C2orf69: variants seen among roughly 807,000 people sequenced by gnomAD.
C2orf69 encodes mitochondrial protein C2orf69.
C2orf69 carries 19 observed loss-of-function variants against 29.5 expected under a neutral mutation model. That is an observed-to-expected ratio of 0.65 (90% CI 0.45 to 0.95). The LOEUF (loss-of-function observed/expected upper bound fraction) is 0.95. Ranked by LOEUF, C2orf69 falls within the 40% of genes least tolerant of loss-of-function variation. C2orf69 has a pLI of 0.00. For missense variants in C2orf69, 416 were observed against 482.1 expected (o/e 0.86, Z 1.28); for synonymous variants, 194 against 180.0 (o/e 1.08, Z -0.62).
At chr2:199,920,064 T>C (rs1419534025) in intron 1 of C2orf69, among the ~76,000 whole-genome samples, 2 of 152,200 alleles carry the variant, frequency 1.3e-5, no homozygotes, top group Non-Finnish European at 2.9e-5. Context: ...ATGAGAAGCA[T>C]GGCCTTTCAC....
chr2:199,911,331 C>G lies in C2orf69; in HGVS notation c.-108C>G. 7.6e-7 allele frequency: 1 copy of G among 1,309,904 alleles called. No individual in the cohort carries two copies. The highest frequency in any genetic ancestry group is 1.8e-5 in the South Asian group (1 of 54,222). The allele number at this position is 1,309,904 out of a possible 1,614,324, so 81.1% of individuals were successfully genotyped here. On this transcript the variant is annotated 5_prime_UTR_variant, in exon 1 of 2. Transcript: ENST00000319974. ...GCCTCAGCGCCGGCTCCCGGCCGGGCCGCGGCCGCCGACCGTTGAGCCGCC... is the reference window on the plus strand; with the variant it reads ...GCCTCAGCGCCGGCTCCCGGCCGGGGCGCGGCCGCCGACCGTTGAGCCGCC...
At position 199,911,558 on chromosome 2, in the gene C2orf69, C is replaced by T. The variant is rs892160938; in HGVS notation, c.120C>T (p.Gly40=). 4 of 1,549,572 alleles carry T rather than the reference C, an allele frequency of 2.6e-6. No homozygotes were observed. Among genetic ancestry groups the T allele is most frequent in the South Asian group, 2.4e-5 (2 of 84,030 alleles). Residue 40 remains glycine, a synonymous_variant, in exon 1 of 2, where the codon GGC becomes GGT. Coordinates refer to ENST00000319974, the MANE Select transcript of C2orf69 (RefSeq NM_153689.6). ...ARTMNPGGSG[G]ARCSLSAEVR... ...CCATGAACCCGGGCGGCAGCGGCGG[C>T]GCGCGATGCTCCCTCTCGGCCGAGG... is the stretch of plus-strand genomic sequence containing the variant.
intron 1 of C2orf69, among the ~76,000 whole-genome samples, chr2:199,912,664 G>A (rs924763752): frequency 1.3e-5 from 2 of 151,974 alleles, no homozygotes; most frequent in South Asian, 2.1e-4. Context: ...TTTTTGAGAC[G>A]GAGTCTTGCT....
chr2:199,914,816 TC>T (rs1005488294), intron 1 of C2orf69, among the ~76,000 whole-genome samples: 17 of 152,358 alleles, frequency 1.1e-4, no homozygotes, highest in African/African-American at 3.6e-4. Context: ...CCTCACCTCT[TC>T]CAGGTCTGCT....
intron 1 of C2orf69, among the ~76,000 whole-genome samples, chr2:199,914,069 G>T (rs1426918501): frequency 6.6e-6 from 1 of 152,176 alleles, no homozygotes; most frequent in East Asian, 1.9e-4. Flanking sequence ...GAGATTAAAT[G>T]TGTGGATACT....
intron 1 of C2orf69, among the ~76,000 whole-genome samples, chr2:199,924,596 T>C (rs2077328917): frequency 6.6e-6 from 1 of 152,156 alleles, no homozygotes; most frequent in Non-Finnish European, 1.5e-5. Context: ...AAATTGAACA[T>C]AGTGTTCAGG....
intron 1 of C2orf69, 90 bp from the exon 2 acceptor site, chr2:199,924,972 T>A (rs2077330255): frequency 6.4e-6 from 5 of 775,362 alleles, no homozygotes; most frequent in Non-Finnish European, 8.4e-6. Flanking sequence ...GTAACATCCC[T>A]TCTCCACAAT....
chr2:199,921,949 C>T (rs994843771), intron 1 of C2orf69, among the ~76,000 whole-genome samples: 9 of 147,412 alleles, frequency 6.1e-5, no homozygotes, highest in African/African-American at 1.3e-4. Context: ...AGATTATTTA[C>T]GGTTTTACAT....
At position 199,913,444 on chromosome 2, in the gene C2orf69, AATAT is replaced by A. The variant is rs1194290913; in HGVS notation, c.333+1678_333+1681del. On this transcript the variant is annotated intron_variant, in intron 1 of 1. Coordinates refer to ENST00000319974, the MANE Select transcript of C2orf69 (RefSeq NM_153689.6). ...ATTATATAAAATATATATTATATAA[AATAT>A]ATATTCTATTATATAAAATATATAT... 1.8e-3 allele frequency among the ~76,000 whole-genome samples: 169 copies of A among 91,556 alleles called. 1 individual carries two copies. The highest frequency in any genetic ancestry group is 3.1e-3 in the Non-Finnish European group (152 of 49,190). 60.1% of individuals were successfully genotyped at this position (91,556 alleles called of 152,430 possible).
chr2:199,914,352 T>C (rs150225382), intron 1 of C2orf69, among the ~76,000 whole-genome samples: 94 of 152,340 alleles, frequency 6.2e-4, no homozygotes, highest in African/African-American at 2.1e-3. Flanking sequence ...TTTACCCCTA[T>C]GCAGTCTTCC....
At chr2:199,915,692 T>G (rs965739954) in intron 1 of C2orf69, among the ~76,000 whole-genome samples, 2 of 151,872 alleles carry the variant, frequency 1.3e-5, no homozygotes, top group African/African-American at 4.8e-5. Context: ...TTTTTTTGTA[T>G]TTTTAGTAGA....
Position 199,911,718 on chromosome 2 carries a change from G to A in C2orf69, c.280G>A (p.Glu94Lys). The change falls in exon 1 of 2, where the codon GAG becomes AAG. Residue 94 changes from glutamate to lysine, a missense_variant. Coordinates refer to ENST00000319974, the MANE Select transcript of C2orf69 (RefSeq NM_153689.6). ...QDLPGDPAKE[E>K]PQPPPQHHVL... Reference sequence around the variant, plus strand: ...CCTCCCCGGGGACCCAGCGAAGGAGGAGCCGCAGCCGCCGCCCCAGCATCA... The same window carrying A: ...CCTCCCCGGGGACCCAGCGAAGGAGAAGCCGCAGCCGCCGCCCCAGCATCA... The A allele has an allele frequency of 6.5e-7, 1 of 1,544,172 alleles. No individual in the cohort carries two copies. Among genetic ancestry groups the A allele is most frequent in the Non-Finnish European group, 8.7e-7 (1 of 1,146,948 alleles).
chr2:199,918,892 G>A (rs1309166435), intron 1 of C2orf69, among the ~76,000 whole-genome samples: 1 of 151,998 alleles, frequency 6.6e-6, no homozygotes, highest in East Asian at 1.9e-4. Context: ...GTGTGTGACT[G>A]TTTCACTATT....
chr2:199,920,021 C>G (rs2077308229), intron 1 of C2orf69, among the ~76,000 whole-genome samples: 1 of 152,232 alleles, frequency 6.6e-6, no homozygotes, highest in Non-Finnish European at 1.5e-5. Flanking sequence ...TTTAAACTCT[C>G]AAGAGATTCT....
In C2orf69 at chr2:199,920,953, CAA is replaced by C. The variant is rs1284333280; in HGVS notation, c.334-4089_334-4088del. ...CCTGGGGGACAGAGCCTGAGACTCT[CAA>C]AAAAAAAAAAAAAAAAAAAGTCACT... On this transcript the variant is annotated intron_variant, in intron 1 of 1. Transcript: ENST00000319974. 3.8e-3 allele frequency among the ~76,000 whole-genome samples: 173 copies of C among 45,902 alleles called. 6 individuals are homozygous for C. The highest frequency in any genetic ancestry group is 0.018 in the East Asian group (19 of 1,030). The allele number at this position is 45,902 out of a possible 152,430, so 30.1% of individuals were successfully genotyped here.
Position 199,925,089 on chromosome 2 carries a change from C to T in C2orf69, c.361C>T (p.Pro121Ser), listed in dbSNP as rs187875052. 3.1e-6 allele frequency: 5 copies of T among 1,609,208 alleles called. No individual in the cohort carries two copies. The highest frequency in any genetic ancestry group is 4.3e-6 in the Non-Finnish European group (5 of 1,175,962). ...TTACCATGAAATTATGACTCGTCAT[C>T]CTGAGAATTATCAATGGGAAAACTG... ...QNYHEIMTRH[P>S]ENYQWENWSL... Residue 121 changes from proline to serine, a missense_variant, in exon 2 of 2, where the codon CCT (proline) becomes TCT (serine). Physicochemically the swap from Pro to Ser is moderately conservative, Grantham distance 74. Coordinates refer to ENST00000319974, the MANE Select transcript of C2orf69 (RefSeq NM_153689.6). The surrounding 1 kb of genome is among the most constrained non-coding windows in gnomAD (Gnocchi z 4.9).
At chr2:199,915,853 G>C (rs564448742) in intron 1 of C2orf69, among the ~76,000 whole-genome samples, 1 of 151,936 alleles carries the variant, frequency 6.6e-6, no homozygotes, top group South Asian at 2.1e-4. Flanking sequence ...TTCATTATTT[G>C]GTGTTTGTTA....
chr2:199,925,586 A>G lies in C2orf69; in HGVS notation c.858A>G (p.Ile286Met). The G allele has an allele frequency of 6.2e-7, 1 of 1,613,946 alleles. No homozygotes were observed. Among genetic ancestry groups the G allele is most frequent in the African/African-American group, 1.3e-5 (1 of 75,070 alleles). ...ELKEAKKDKN[I>M]DAFIKSIRTM... The stretch of plus-strand genomic sequence containing the variant: ...AAGAAGCCAAGAAAGACAAGAACAT[A>G]GATGCTTTTATCAAAAGCATAAGAA... The change falls in exon 2 of 2, where the codon ATA (isoleucine) becomes ATG (methionine). Residue 286 changes from isoleucine to methionine, a missense_variant. By Grantham distance (10) the Ile-to-Met change is conservative. This residue lies in a region of C2orf69 where 225 missense variants were observed against 307.3 expected (regional missense o/e 0.73). Transcript: ENST00000319974. The surrounding 1 kb of genome is among the most constrained non-coding windows in gnomAD (Gnocchi z 4.9).
chr2:199,913,432 T>C (rs1343591507), intron 1 of C2orf69, among the ~76,000 whole-genome samples: 2 of 27,240 alleles, frequency 7.3e-5, no homozygotes, highest in Non-Finnish European at 1.6e-4. Flanking sequence ...ATATAAAATA[T>C]ATATTATATA....
Sources: gnomAD v4.1 joint callset for allele counts (sites outside exome capture counted in the v4.1 genomes callset) on GRCh38, gnomAD v4.1.1 for gene constraint, gnomAD v4.1.1 regional missense constraint, Gnocchi (gnomAD v3.1) non-coding constraint, MANE v1.5 for transcripts, NCBI Gene and HGNC (gene_info 2026-07-23, HGNC 2026-07-21) for gene names.